ISX: variants seen among roughly 807,000 people sequenced by gnomAD.
ISX encodes the protein intestine-specific homeobox.
ISX carries 15 observed loss-of-function variants against 16.9 expected under a neutral mutation model. That is an observed-to-expected ratio of 0.89 (90% CI 0.59 to 1.36). The LOEUF is 1.36. Among genes scored for constraint, ISX ranks in the 40% most tolerant of loss-of-function variants. The pLI is 0.00. For missense variants in ISX, 316 were observed against 306.1 expected, an observed-to-expected ratio of 1.03 and a Z score of -0.24; for synonymous variants, 125 against 119.7, an observed-to-expected ratio of 1.04 and a Z score of -0.29.
At chr22:35,071,644 G>A (rs752955380) in intron 2 of ISX, among the ~76,000 whole-genome samples, 1 of 152,152 alleles carries the variant, frequency 6.6e-6, no homozygotes, top group African/African-American at 2.4e-5. Context: ...TATCTACAAA[G>A]ACTATTTGGA....
rs572042549 is a variant in ISX, at chr22:35,078,509, G to A, written c.230-4009G>A. Among the ~76,000 whole-genome samples the A allele has an allele frequency of 7.2e-5, 11 of 152,200 alleles. 1 individual carries two copies. In the South Asian group the frequency reaches 2.3e-3, roughly 32 times the overall value. ...AAAAAGGCAGTGTGGACTTAGGGAGGGAAGGGGGTAGAGAAGGAGAGGCAG... is the reference window on the plus strand; with the variant it reads ...AAAAAGGCAGTGTGGACTTAGGGAGAGAAGGGGGTAGAGAAGGAGAGGCAG... On this transcript the variant is annotated intron_variant, in intron 2 of 4. Coordinates refer to ENST00000404699, the MANE Select transcript of ISX (RefSeq NM_001303508.2).
Position 35,080,437 on chromosome 22 carries a change from A to AACAC in ISX, c.230-2065_230-2062dup, listed in dbSNP as rs576097324. On this transcript the variant is annotated intron_variant, in intron 2 of 4. Coordinates refer to ENST00000404699, the MANE Select transcript of ISX (RefSeq NM_001303508.2). ...GATTTCCCCATAATACAAACACATG[A>AACAC]ACACACACACACACACACATCTTTT... Among the ~76,000 whole-genome samples, 33 of 150,946 alleles carry AACAC rather than the reference A, an allele frequency of 2.2e-4. 1 individual carries two copies. Among genetic ancestry groups the AACAC allele is most frequent in the South Asian group, 4.2e-4 (2 of 4,764 alleles).
At chr22:35,078,516 G>A (rs759373926) in intron 2 of ISX, among the ~76,000 whole-genome samples, 1 of 152,128 alleles carries the variant, frequency 6.6e-6, no homozygotes, top group Non-Finnish European at 1.5e-5. Flanking sequence ...GAGGGAAGGG[G>A]GTAGAGAAGG....
In ISX at chr22:35,086,673, G is replaced by A. The variant is rs1420854948; in HGVS notation, c.*980G>A. On this transcript the variant is annotated 3_prime_UTR_variant, in exon 5 of 5. Coordinates refer to ENST00000404699, the MANE Select transcript of ISX (RefSeq NM_001303508.2). The stretch of plus-strand genomic sequence containing the variant: ...AAAGAGCATTCAGGAGGCTCTGAGA[G>A]GACATGAGAGTATTTTGCAAAGTGA... 3 of 152,244 alleles carry A rather than the reference G, an allele frequency of 2.0e-5. No homozygotes were observed. The highest frequency in any genetic ancestry group is 4.4e-5 in the Non-Finnish European group (3 of 68,052). 9.4% of individuals were successfully genotyped at this position (152,244 alleles called of 1,614,324 possible).
At chr22:35,067,822 A>G (rs897529165) in intron 2 of ISX, among the ~76,000 whole-genome samples, 2 of 152,210 alleles carry the variant, frequency 1.3e-5, no homozygotes, top group Non-Finnish European at 2.9e-5. Flanking sequence ...TTCAGTCTGC[A>G]CAACTTCCAG....
intron 2 of ISX, among the ~76,000 whole-genome samples, chr22:35,070,025 A>G (rs150475194): frequency 7.4e-4 from 113 of 152,310 alleles, no homozygotes; most frequent in Admixed American, 6.6e-3. Context: ...GGCCCAAGGA[A>G]GTGGTCCTTA....
At position 35,066,858 on chromosome 22, in the gene ISX, T is replaced by G. The variant is rs1041995683; in HGVS notation, c.-230T>G. On this transcript the variant is annotated 5_prime_UTR_variant, in exon 2 of 5. Transcript: ENST00000404699. Reference sequence around the variant, plus strand: ...CATGGTGACTCCTTTGATGTCAAACTGGTAAGGGCTGAGCCGTGGGCACAG... The same window carrying G: ...CATGGTGACTCCTTTGATGTCAAACGGGTAAGGGCTGAGCCGTGGGCACAG... 1 of 490,350 alleles carries G rather than the reference T, an allele frequency of 2.0e-6. No individual in the cohort carries two copies. The highest frequency in any genetic ancestry group is 1.9e-5 in the African/African-American group (1 of 52,144). 30.4% of individuals were successfully genotyped at this position (490,350 alleles called of 1,614,324 possible). A position where few individuals can be genotyped will look rare whatever the true frequency, so the allele number is the denominator to read the frequency against.
intron 2 of ISX, among the ~76,000 whole-genome samples, chr22:35,070,089 G>A (rs138328835): frequency 6.6e-6 from 1 of 152,328 alleles, no homozygotes; most frequent in East Asian, 1.9e-4. Flanking sequence ...TACAGAGCCA[G>A]TACATGCAAG....
chr22:35,085,568 C>A lies in ISX; in HGVS notation c.613C>A (p.Pro205Thr). Residue 205 changes from proline (P) to threonine (T), a missense_variant, in exon 5 of 5, where the codon CCA becomes ACA. Coordinates refer to ENST00000404699, the MANE Select transcript of ISX (RefSeq NM_001303508.2). ...AWFPAWITLL[P>T]AHPWETQPVP... The stretch of plus-strand genomic sequence containing the variant: ...GTTCCCTGCCTGGATCACCCTCCTC[C>A]CAGCGCACCCATGGGAAACACAGCC... 1 of 1,614,242 alleles carries A rather than the reference C, an allele frequency of 6.2e-7. No homozygotes were observed. The highest frequency in any genetic ancestry group is 8.5e-7 in the Non-Finnish European group (1 of 1,180,056).
chr22:35,074,943 G>A (rs1350739662), intron 2 of ISX, among the ~76,000 whole-genome samples: 1 of 152,138 alleles, frequency 6.6e-6, no homozygotes, highest in Admixed American at 6.5e-5. Flanking sequence ...AGTTAGAAAT[G>A]TTGAAATATT....
chr22:35,083,199 C>CT (rs1392532719), intron 3 of ISX, among the ~76,000 whole-genome samples: 6 of 151,688 alleles, frequency 4.0e-5, no homozygotes, highest in African/African-American at 1.2e-4. Context: ...TACTACCCTT[C>CT]TTTTTTTTTC....
Position 35,083,542 on chromosome 22 carries a change from C to A in ISX, c.382-841C>A, listed in dbSNP as rs572040809. 3.3e-5 allele frequency among the ~76,000 whole-genome samples: 5 copies of A among 152,348 alleles called. No homozygotes were observed. In the South Asian group the frequency reaches 8.3e-4, roughly 25 times the overall value. Reference sequence around the variant, plus strand: ...TGCACCCAGCTTTGCAAGTGCCACCCTAGCACACGACGTTCCACCAGATCT... The same window carrying A: ...TGCACCCAGCTTTGCAAGTGCCACCATAGCACACGACGTTCCACCAGATCT... On this transcript the variant is annotated intron_variant, in intron 3 of 4. Coordinates refer to ENST00000404699, the MANE Select transcript of ISX (RefSeq NM_001303508.2).
intron 2 of ISX, among the ~76,000 whole-genome samples, chr22:35,070,048 AC>A (rs1437647493): frequency 6.6e-6 from 1 of 152,158 alleles, no homozygotes; most frequent in Non-Finnish European, 1.5e-5. Context: ...GGAAGCTGAG[AC>A]TCAATAAGGT....
Position 35,067,310 on chromosome 22 carries a change from C to T in ISX, c.223C>T (p.Pro75Ser). 6.4e-7 allele frequency: 1 copy of T among 1,563,274 alleles called. No individual in the cohort carries two copies. The highest frequency in any genetic ancestry group is 8.7e-7 in the Non-Finnish European group (1 of 1,152,374). ...GCTAGAAAAGCCTCCAAAGGACCAG[C>T]CCCAGGGTAAGTGTCTTCTGATCAT... ...SGLEKPPKDQ[P>S]QEGRKSKRRV... is the part of the protein sequence containing the mutation. Residue 75 changes from proline to serine, a missense_variant, in exon 2 of 5, where the codon CCC (proline) becomes TCC (serine). Coordinates refer to ENST00000404699, the MANE Select transcript of ISX (RefSeq NM_001303508.2).
intron 3 of ISX, 48 bp downstream of exon 3, chr22:35,082,717 A>C (rs1310287796): frequency 6.2e-7 from 1 of 1,601,198 alleles, no homozygotes; most frequent in Admixed American, 1.7e-5. Context: ...CCTTGGGACC[A>C]TGTGTGAGAC....
intron 2 of ISX, among the ~76,000 whole-genome samples, chr22:35,077,344 G>C (rs1929010045): frequency 6.6e-6 from 1 of 152,048 alleles, no homozygotes; most frequent in African/African-American, 2.4e-5. Flanking sequence ...TGTAACCCAA[G>C]CATCAGCTTT....
At position 35,083,253 on chromosome 22, in the gene ISX, T is replaced by C. The variant is rs138726888; in HGVS notation, c.381+584T>C. 5.5e-3 allele frequency among the ~76,000 whole-genome samples: 832 copies of C among 152,314 alleles called. 4 individuals are homozygous for C. The highest frequency in any genetic ancestry group is 8.4e-3 in the Non-Finnish European group (572 of 68,030). ...AAAACGATTCTTAGTTCATGAACCATTCAAAAACAGGTGAAAGGCCAGATT... is the reference window on the plus strand; with the variant it reads ...AAAACGATTCTTAGTTCATGAACCACTCAAAAACAGGTGAAAGGCCAGATT... On this transcript the variant is annotated intron_variant, in intron 3 of 4. Coordinates refer to ENST00000404699, the MANE Select transcript of ISX (RefSeq NM_001303508.2).
At chr22:35,071,721 G>C (rs1029736925) in intron 2 of ISX, among the ~76,000 whole-genome samples, 2 of 152,214 alleles carry the variant, frequency 1.3e-5, no homozygotes, top group Non-Finnish European at 2.9e-5. Context: ...GGCCTCTTCA[G>C]TGCTATCTCA....
rs756879381 is a variant in ISX, at chr22:35,084,518, A to G, written c.498+19A>G. ...TGTGGCTGTAAGTGGCTGAGGCCTC[A>G]AGGTAGGGTGGAGGGAGCCATTGTC... On this transcript the variant is annotated intron_variant, in intron 4 of 4. Coordinates refer to ENST00000404699, the MANE Select transcript of ISX (RefSeq NM_001303508.2). The G allele has an allele frequency of 6.5e-7, 1 of 1,528,282 alleles. No individual in the cohort carries two copies. The highest frequency in any genetic ancestry group is 1.7e-5 in the Admixed American group (1 of 58,938). 94.7% of individuals were successfully genotyped at this position (1,528,282 alleles called of 1,614,324 possible).
Sources: allele counts gnomAD v4.1 joint callset (sites outside exome capture counted in the v4.1 genomes callset), GRCh38; gene constraint gnomAD v4.1.1; transcripts MANE v1.5; gene names NCBI Gene and HGNC (gene_info 2026-07-23, HGNC 2026-07-21).